GLIPR1L1: variants seen among roughly 807,000 people sequenced by gnomAD.
GLIPR1L1 encodes the protein GLIPR1 like 1, also known as GLIPR1-like protein 1.
GLIPR1L1 carries 26 observed loss-of-function variants against 29.9 expected under a neutral mutation model. That is an observed-to-expected ratio of 0.87 (90% CI 0.64 to 1.21). The LOEUF (loss-of-function observed/expected upper bound fraction) is 1.21. GLIPR1L1 is among the 50% of genes most tolerant of loss of function. The pLI is 0.00. For missense variants in GLIPR1L1, 305 were observed against 290.3 expected, an observed-to-expected ratio of 1.05 and a Z score of -0.37; for synonymous variants, 77 against 97.5, an observed-to-expected ratio of 0.79 and a Z score of 1.24.
At chr12:75,368,919 C>T (rs1593867540) in intron 4 of GLIPR1L1, among the ~76,000 whole-genome samples, 1 of 151,872 alleles carries the variant, frequency 6.6e-6, no homozygotes, top group East Asian at 1.9e-4. Context: ...TCTGTTTTAT[C>T]CACATTTCAA....
chr12:75,344,399 G>A (rs554422362), intron 2 of GLIPR1L1, among the ~76,000 whole-genome samples: 1 of 152,030 alleles, frequency 6.6e-6, no homozygotes, highest in South Asian at 2.1e-4. Flanking sequence ...CTTCTGTAAT[G>A]TTTAGTCTCC....
chr12:75,335,430 AT>A (rs2139222087), intron 1 of GLIPR1L1, among the ~76,000 whole-genome samples: 2 of 152,316 alleles, frequency 1.3e-5, no homozygotes, highest in Middle Eastern at 3.4e-3. Flanking sequence ...AATCCATAGA[AT>A]TTACAAAATT....
At chr12:75,345,331 C>T (rs1300603979) in intron 2 of GLIPR1L1, among the ~76,000 whole-genome samples, 2 of 151,990 alleles carry the variant, frequency 1.3e-5, no homozygotes, top group African/African-American at 4.8e-5. Context: ...ACCATTACTT[C>T]CTATAATTTT....
intron 1 of GLIPR1L1, among the ~76,000 whole-genome samples, chr12:75,340,083 G>A (rs1044718832): frequency 6.6e-6 from 1 of 151,400 alleles, no homozygotes; most frequent in African/African-American, 2.4e-5. Context: ...CCATTATTTT[G>A]TTCCTTTTTA....
At chr12:75,357,167 G>A (rs1234015895) in intron 3 of GLIPR1L1, among the ~76,000 whole-genome samples, 1 of 152,158 alleles carries the variant, frequency 6.6e-6, no homozygotes, top group Non-Finnish European at 1.5e-5. Context: ...TCCAGCCTGG[G>A]AAACAGTGTG....
chr12:75,347,910 A>G (rs1565971268), intron 3 of GLIPR1L1, among the ~76,000 whole-genome samples, 188 bp downstream of exon 3: 1 of 152,148 alleles, frequency 6.6e-6, no homozygotes. Context: ...AAGAAAAATT[A>G]TACCTATTAT....
At chr12:75,366,488 A>G (rs574781397) in intron 4 of GLIPR1L1, among the ~76,000 whole-genome samples, 3 of 152,234 alleles carry the variant, frequency 2.0e-5, no homozygotes, top group Admixed American at 6.5e-5. Flanking sequence ...TGCAAAACAG[A>G]CCATAATATG....
At chr12:75,338,644 G>A (rs985526973) in intron 1 of GLIPR1L1, among the ~76,000 whole-genome samples, 1 of 151,394 alleles carries the variant, frequency 6.6e-6, no homozygotes. Context: ...GTGCAGGTTT[G>A]TTACACAGGT....
intron 3 of GLIPR1L1, among the ~76,000 whole-genome samples, chr12:75,352,944 T>C (rs897634217): frequency 1.3e-5 from 2 of 152,124 alleles, no homozygotes; most frequent in Non-Finnish European, 2.9e-5. Flanking sequence ...CCTTAGAAAC[T>C]AATAAGAACA....
intron 1 of GLIPR1L1, 126 bp from the exon 2 acceptor site, chr12:75,343,567 T>C (rs979762829): frequency 2.7e-6 from 2 of 734,392 alleles, no homozygotes; most frequent in Admixed American, 3.1e-5. Context: ...ACATAATAAA[T>C]ACCAAAGAAA....
Position 75,334,763 on chromosome 12 carries a change from T to A in GLIPR1L1, c.35T>A (p.Ile12Asn), listed in dbSNP as rs1393576611. Residue 12 changes from isoleucine to asparagine, a missense_variant, in exon 1 of 6, where the codon ATC becomes AAC. Ile to Asn is a moderately radical substitution (Grantham distance 149). Transcript: ENST00000378695. ...ALKNKFSCLWILGLCLVATTS... is the reference protein window; with the variant it reads ...ALKNKFSCLWNLGLCLVATTS... ...AAGAATAAATTCAGTTGTTTATGGA[T>A]CTTGGGTCTGTGTTTGGTAGCCACT... is the stretch of plus-strand genomic sequence containing the variant. The A allele has an allele frequency of 3.7e-6, 6 of 1,613,978 alleles. No homozygotes were observed. Among genetic ancestry groups the A allele is most frequent in the South Asian group, 2.2e-5 (2 of 91,088 alleles).
At chr12:75,355,059 C>T (rs2043061693) in intron 3 of GLIPR1L1, among the ~76,000 whole-genome samples, 1 of 152,154 alleles carries the variant, frequency 6.6e-6, no homozygotes, top group African/African-American at 2.4e-5. Context: ...CTATTCAGGA[C>T]ATAGGCATGG....
intron 3 of GLIPR1L1, among the ~76,000 whole-genome samples, chr12:75,361,961 G>T (rs746385770): frequency 1.3e-5 from 2 of 151,954 alleles, no homozygotes; most frequent in South Asian, 4.2e-4. Flanking sequence ...AAACCTCTAC[G>T]ACCTTTAGAT....
chr12:75,358,535 A>G (rs2043305847), intron 3 of GLIPR1L1, among the ~76,000 whole-genome samples: 1 of 151,216 alleles, frequency 6.6e-6, no homozygotes, highest in Non-Finnish European at 1.5e-5. Flanking sequence ...AGCTAAAAAT[A>G]GAAGGGAATG....
chr12:75,346,163 T>A (rs989916995), intron 2 of GLIPR1L1, among the ~76,000 whole-genome samples: 1 of 152,200 alleles, frequency 6.6e-6, no homozygotes, highest in Non-Finnish European at 1.5e-5. Context: ...AAAGTCACAA[T>A]TTAGATAAAA....
intron 4 of GLIPR1L1, chr12:75,367,099 G>A (rs2139663652): frequency 1.4e-6 from 1 of 692,072 alleles, no homozygotes; most frequent in East Asian, 2.7e-5. Context: ...AATTTGGGGA[G>A]AAAACGTAAT....
At chr12:75,367,741 C>T (rs181564720) in intron 4 of GLIPR1L1, among the ~76,000 whole-genome samples, 18 of 152,072 alleles carry the variant, frequency 1.2e-4, no homozygotes, top group Admixed American at 2.0e-4. Context: ...TCATGTCTTC[C>T]GTTAAAAATA....
chr12:75,366,972 G>C (rs1216378582), intron 4 of GLIPR1L1: 1 of 701,762 alleles, frequency 1.4e-6, no homozygotes. Context: ...GCAGCTTGCA[G>C]CTTGCAGTAA....
chr12:75,356,077 G>C (rs2139506719), intron 3 of GLIPR1L1, among the ~76,000 whole-genome samples: 1 of 151,938 alleles, frequency 6.6e-6, no homozygotes, highest in South Asian at 2.1e-4. Flanking sequence ...AACCACAATG[G>C]CACACATTTA....
Sources: gnomAD v4.1 joint callset for allele counts (sites outside exome capture counted in the v4.1 genomes callset) on GRCh38, gnomAD v4.1.1 for gene constraint, MANE v1.5 for transcripts, NCBI Gene and HGNC (gene_info 2026-07-23, HGNC 2026-07-21) for gene names.